The following PLAC1 variants were observed in gnomAD, a reference collection of about 807,000 sequenced individuals.
PLAC1 encodes placenta associated 1.
For synonymous variants in PLAC1, 68 were observed against 62.1 expected, an observed-to-expected ratio of 1.09 and a Z score of -0.44; for missense variants, 136 against 163.2, an observed-to-expected ratio of 0.83 and a Z score of 0.91.
chrX:134,714,452 C>T (rs185747766), intron 2 of PLAC1, among the ~76,000 whole-genome samples: 48 of 110,655 alleles, frequency 4.3e-4, no homozygotes, highest in African/African-American at 1.5e-3. Flanking sequence ...CACACATATA[C>T]CCCCAATCCA....
intron 1 of PLAC1, among the ~76,000 whole-genome samples, chrX:134,755,683 T>C (rs1293429084): frequency 9.0e-6 from 1 of 110,939 alleles, no homozygotes; most frequent in Non-Finnish European, 1.9e-5. Flanking sequence ...GTATACTTTC[T>C]TCTGTGAACT....
chrX:134,700,524 G>A (rs2078579320), intron 2 of PLAC1, among the ~76,000 whole-genome samples: 1 of 111,593 alleles, frequency 9.0e-6, no homozygotes, highest in South Asian at 3.7e-4. Context: ...GACAATATGA[G>A]TCTATACCTA....
chrX:134,672,616 A>G (rs752544123), intron 2 of PLAC1, among the ~76,000 whole-genome samples: 185 of 112,493 alleles, frequency 1.6e-3, no homozygotes, highest in Non-Finnish European at 2.7e-3. Context: ...GATCAATATG[A>G]ACCTCAATAA....
chrX:134,708,061 CAG>C (rs1278430769), intron 2 of PLAC1, among the ~76,000 whole-genome samples: 1 of 111,508 alleles, frequency 9.0e-6, no homozygotes, highest in African/African-American at 3.3e-5. Flanking sequence ...AAAATGAAAA[CAG>C]AGAAATAAAA....
intron 1 of PLAC1, among the ~76,000 whole-genome samples, chrX:134,749,501 T>C (rs1393587056): frequency 9.0e-6 from 1 of 111,596 alleles, no homozygotes; most frequent in Non-Finnish European, 1.9e-5. Flanking sequence ...ACCAAATGCC[T>C]ACACAGAAAT....
intron 1 of PLAC1, among the ~76,000 whole-genome samples, chrX:134,619,293 T>A (rs2078199482): frequency 8.9e-6 from 1 of 111,862 alleles, no homozygotes; most frequent in Non-Finnish European, 1.9e-5. Flanking sequence ...TTCAGAAAAA[T>A]TCACCCAGCT....
At chrX:134,576,756 C>T (rs2077941393) in intron 2 of PLAC1, among the ~76,000 whole-genome samples, 2 of 110,596 alleles carry the variant, frequency 1.8e-5, no homozygotes, top group South Asian at 4.0e-4. Context: ...CAATGTGAGA[C>T]ATGTAGGAAG....
intron 2 of PLAC1, among the ~76,000 whole-genome samples, chrX:134,666,026 G>A (rs1168900098): frequency 2.7e-5 from 3 of 111,474 alleles, no homozygotes; most frequent in Non-Finnish European, 5.6e-5. Context: ...TGGTCAACGG[G>A]TTCTTTCTTG....
At chrX:134,747,302 G>A in intron 1 of PLAC1, among the ~76,000 whole-genome samples, 1 of 110,464 alleles carries the variant, frequency 9.1e-6, no homozygotes, top group East Asian at 2.8e-4. Context: ...GGCCAAAAGA[G>A]CATATGCCCA....
chrX:134,602,501 A>G (rs1288764794), intron 1 of PLAC1, among the ~76,000 whole-genome samples: 2 of 112,786 alleles, frequency 1.8e-5, no homozygotes, highest in Non-Finnish European at 3.7e-5. Flanking sequence ...TGCAAGAAGT[A>G]GAGGTTTCAG....
chrX:134,584,684 T>C (rs780051438), intron 2 of PLAC1, among the ~76,000 whole-genome samples: 42 of 111,586 alleles, frequency 3.8e-4, no homozygotes, highest in Non-Finnish European at 6.6e-4. Flanking sequence ...AAAGTACCAC[T>C]TAAGGACACA....
upstream of PLAC1, among the ~76,000 whole-genome samples, chrX:134,662,603 G>T (rs753623039): frequency 8.9e-6 from 1 of 112,071 alleles, no homozygotes; most frequent in East Asian, 2.8e-4. Context: ...ATTTTTAAAG[G>T]GTTGTAAAAA....
chrX:134,592,281 A>G (rs997573911), intron 2 of PLAC1, among the ~76,000 whole-genome samples: 1 of 111,978 alleles, frequency 8.9e-6, no homozygotes, highest in East Asian at 2.8e-4. Flanking sequence ...TAACTCCATC[A>G]TCCATTTTCA....
At chrX:134,665,087 T>G (rs2078431785) in intron 2 of PLAC1, among the ~76,000 whole-genome samples, 1 of 110,017 alleles carries the variant, frequency 9.1e-6, no homozygotes, top group Non-Finnish European at 1.9e-5. Flanking sequence ...TGTGTGTGTG[T>G]GTGTGTGTAT....
chrX:134,716,810 G>A (rs1222003246), intron 2 of PLAC1, among the ~76,000 whole-genome samples: 3 of 112,494 alleles, frequency 2.7e-5, no homozygotes, highest in Non-Finnish European at 5.6e-5. Context: ...GAGTCAAACA[G>A]ACGGGAATTC....
chrX:134,578,789 G>A (rs5933429), intron 2 of PLAC1, among the ~76,000 whole-genome samples: 50,386 of 106,758 alleles, frequency 0.47, 10,917 homozygotes, highest in East Asian at 0.66. Context: ...TAACAGGAGG[G>A]AGTTATCTAC....
intron 2 of PLAC1, among the ~76,000 whole-genome samples, chrX:134,572,388 G>A (rs892568170): frequency 8.9e-6 from 1 of 111,938 alleles, no homozygotes; most frequent in African/African-American, 3.2e-5. Flanking sequence ...ACATTAAAGC[G>A]AGTTAGAAAA....
At chrX:134,668,557 T>C (rs1181553819) in intron 2 of PLAC1, among the ~76,000 whole-genome samples, 2 of 112,666 alleles carry the variant, frequency 1.8e-5, no homozygotes, top group Non-Finnish European at 3.8e-5. Flanking sequence ...ATCCTGGGCA[T>C]CATGTTCTAG....
intron 2 of PLAC1, among the ~76,000 whole-genome samples, chrX:134,580,224 C>T (rs913030881): frequency 1.8e-5 from 2 of 112,315 alleles, no homozygotes; most frequent in Non-Finnish European, 3.8e-5. Context: ...CTAGACAAAA[C>T]CTTTCATCAT....
Sources: allele counts gnomAD v4.1 joint callset (sites outside exome capture counted in the v4.1 genomes callset), GRCh38; gene constraint gnomAD v4.1.1; transcripts MANE v1.5; gene names NCBI Gene and HGNC (gene_info 2026-07-23, HGNC 2026-07-21).